CNTNAP2: variants seen among roughly 807,000 people sequenced by gnomAD.
The protein encoded by CNTNAP2 is contactin-associated protein-like 2.
A neutral mutation model predicts 155.2 loss-of-function variants in CNTNAP2; 98 were observed. The observed-to-expected ratio is 0.63, with a 90% CI of 0.54 to 0.75. The LOEUF (loss-of-function observed/expected upper bound fraction) is 0.75. Among genes scored for constraint, CNTNAP2 ranks in the 30% least tolerant of loss-of-function variants. The pLI, the probability that CNTNAP2 is intolerant of heterozygous loss-of-function variation, is 0.00. For synonymous variants in CNTNAP2, 651 were observed against 631.2 expected (o/e 1.03, Z -0.47); for missense variants, 1,727 against 1,688.1 (o/e 1.02, Z -0.40).
At chr7:147,314,883 T>G (rs1370441212) in intron 9 of CNTNAP2, among the ~76,000 whole-genome samples, 1 of 151,046 alleles carries the variant, frequency 6.6e-6, no homozygotes, top group Non-Finnish European at 1.5e-5. Flanking sequence ...AAAATTCAAT[T>G]GGGCTTTAGG....
intron 2 of CNTNAP2, among the ~76,000 whole-genome samples, chr7:146,835,164 T>C (rs1401126485): frequency 6.6e-6 from 1 of 152,216 alleles, no homozygotes; most frequent in Non-Finnish European, 1.5e-5. Context: ...ATAAATGGGA[T>C]TAAGCAGCTG....
At chr7:147,077,801 A>G (rs1800025521) in intron 4 of CNTNAP2, among the ~76,000 whole-genome samples, 1 of 152,156 alleles carries the variant, frequency 6.6e-6, no homozygotes, top group Non-Finnish European at 1.5e-5. Flanking sequence ...TGAGGATTGC[A>G]TCAGGTAACT....
intron 1 of CNTNAP2, among the ~76,000 whole-genome samples, chr7:146,666,414 G>A (rs924109069): frequency 1.3e-4 from 20 of 152,126 alleles, no homozygotes; most frequent in African/African-American, 4.8e-4. Context: ...GGACGCCTAA[G>A]TTGATTCCGT....
chr7:146,754,613 A>T (rs527934761), intron 1 of CNTNAP2, among the ~76,000 whole-genome samples: 1 of 150,942 alleles, frequency 6.6e-6, no homozygotes, highest in Non-Finnish European at 1.5e-5. Context: ...AATAATACTG[A>T]CCTTGACTGT....
chr7:147,184,308 C>CT (rs148361854), intron 8 of CNTNAP2, among the ~76,000 whole-genome samples: 15 of 152,280 alleles, frequency 9.9e-5, no homozygotes, highest in African/African-American at 3.6e-4. Flanking sequence ...TTTCCAATGC[C>CT]TGAGGTCTTT....
intron 20 of CNTNAP2, among the ~76,000 whole-genome samples, chr7:148,264,169 C>T (rs1467327902): frequency 1.3e-5 from 2 of 152,058 alleles, no homozygotes; most frequent in African/African-American, 2.4e-5. Context: ...ATCCATAGAA[C>T]GAAATACTAG....
At chr7:148,164,924 A>G (rs982384330) in intron 17 of CNTNAP2, among the ~76,000 whole-genome samples, 1 of 151,870 alleles carries the variant, frequency 6.6e-6, no homozygotes, top group Admixed American at 6.6e-5. Context: ...GTGGGATTAC[A>G]GGCATGAGCC....
At chr7:146,836,791 T>C (rs1006762600) in intron 2 of CNTNAP2, among the ~76,000 whole-genome samples, 3 of 152,220 alleles carry the variant, frequency 2.0e-5, no homozygotes, top group African/African-American at 7.2e-5. Flanking sequence ...ATTTTTATAG[T>C]ATACACATAA....
chr7:146,442,861 A>G (rs534847058), intron 1 of CNTNAP2, among the ~76,000 whole-genome samples: 4 of 152,198 alleles, frequency 2.6e-5, no homozygotes, highest in African/African-American at 9.6e-5. Flanking sequence ...GTATTTCCAA[A>G]GATTCGTTCA....
rs76405229 is a variant in CNTNAP2 at position 148,233,707 on chromosome 7, T to G, written c.3381+3928T>G. Among the ~76,000 whole-genome samples the G allele has an allele frequency of 5.6e-4, 86 of 152,358 alleles. 2 individuals carry two copies. In the East Asian group the frequency reaches 0.013, roughly 23 times the overall value. ...AAGCACTTTAGACACATTTTCTCATTTAGTCATCACAAAAACTTTATGAAG... is the reference window on the plus strand; with the variant it reads ...AAGCACTTTAGACACATTTTCTCATGTAGTCATCACAAAAACTTTATGAAG... On this transcript the variant is annotated intron_variant, in intron 20 of 23. Coordinates refer to ENST00000361727, the MANE Select transcript of CNTNAP2 (RefSeq NM_014141.6).
intron 1 of CNTNAP2, among the ~76,000 whole-genome samples, chr7:146,214,651 G>A (rs1406871100): frequency 6.6e-6 from 1 of 152,128 alleles, no homozygotes; most frequent in Admixed American, 6.6e-5. Context: ...GTCATTAAAT[G>A]TATTGCTCAG....
chr7:146,407,664 C>T (rs1795811426), intron 1 of CNTNAP2, among the ~76,000 whole-genome samples: 1 of 152,084 alleles, frequency 6.6e-6, no homozygotes. Flanking sequence ...GCCATTTCCC[C>T]AGAAGCTCAG....
intron 13 of CNTNAP2, among the ~76,000 whole-genome samples, chr7:147,715,548 T>G (rs531461015): frequency 5.3e-5 from 8 of 152,200 alleles, no homozygotes; most frequent in Admixed American, 2.6e-4. Context: ...TTTTATGGGG[T>G]TTTTTTAGTA....
chr7:146,850,661 C>A (rs889707609), intron 3 of CNTNAP2, among the ~76,000 whole-genome samples: 4 of 151,966 alleles, frequency 2.6e-5, no homozygotes, highest in African/African-American at 9.7e-5. Context: ...GATGTGTTAA[C>A]TAACTTATTA....
intron 9 of CNTNAP2, among the ~76,000 whole-genome samples, chr7:147,319,719 A>G (rs1185370902): frequency 6.6e-6 from 1 of 152,154 alleles, no homozygotes; most frequent in Admixed American, 6.5e-5. Context: ...TGAAAATATT[A>G]TAGATATAAT....
chr7:146,881,355 G>T (rs1040366278), intron 3 of CNTNAP2, among the ~76,000 whole-genome samples: 10 of 152,168 alleles, frequency 6.6e-5, no homozygotes, highest in African/African-American at 2.4e-4. Context: ...TAAAATTGTG[G>T]GATTTATTAG....
chr7:147,881,467 T>C (rs1321189023), intron 13 of CNTNAP2, among the ~76,000 whole-genome samples: 1 of 152,188 alleles, frequency 6.6e-6, no homozygotes, highest in Non-Finnish European at 1.5e-5. Context: ...GTTATGAACC[T>C]TTGTAGCTGC....
chr7:146,462,939 T>G lies in CNTNAP2; in HGVS notation c.98-311332T>G, dbSNP rs184454361. Among the ~76,000 whole-genome samples, 6 of 152,152 alleles carry G rather than the reference T, an allele frequency of 3.9e-5. No homozygotes were observed. In the East Asian group the frequency reaches 1.2e-3, roughly 29 times the overall value. ...ATCAGGCTATTTCCTCAAGTCTTCT[T>G]TAGAGGGAAATAACCAGATTGATGG... On this transcript the variant is annotated intron_variant, in intron 1 of 23. Transcript: ENST00000361727.
intron 13 of CNTNAP2, among the ~76,000 whole-genome samples, chr7:147,716,386 G>A (rs6464836): frequency 0.69 from 104,376 of 151,870 alleles, 36,172 homozygotes; most frequent in Middle Eastern, 0.82. Context: ...GGCTTTATAG[G>A]TGAGCTGGTG....
Sources: gnomAD v4.1 joint callset for allele counts (sites outside exome capture counted in the v4.1 genomes callset) on GRCh38, gnomAD v4.1.1 for gene constraint, MANE v1.5 for transcripts, NCBI Gene and HGNC (gene_info 2026-07-23, HGNC 2026-07-21) for gene names.